Variants in POLE observed in about 807,000 individuals in gnomAD.
POLE encodes DNA polymerase epsilon catalytic subunit A.
Under a neutral mutation model 279.2 loss-of-function variants are expected in POLE, and 188 were observed. That is an observed-to-expected ratio of 0.67 (90% CI 0.60 to 0.76). The LOEUF is 0.76. Ranked by LOEUF, POLE falls within the 30% of genes least tolerant of loss-of-function variation. The pLI is 0.00. For synonymous variants in POLE, 1,214 were observed against 1,172.5 expected (o/e 1.04, Z -0.72); for missense variants, 2,703 against 3,016.7 (o/e 0.90, Z 2.44).
chr12:132,637,098 C>T (rs2042049886), intron 41 of POLE, among the ~76,000 whole-genome samples: 1 of 152,238 alleles, frequency 6.6e-6, no homozygotes, highest in African/African-American at 2.4e-5. Flanking sequence ...GACCACTGAC[C>T]ATCAAGGCTC....
At chr12:132,651,890 G>A (rs1031690049) in intron 29 of POLE, among the ~76,000 whole-genome samples, 2 of 152,242 alleles carry the variant, frequency 1.3e-5, no homozygotes, top group South Asian at 4.1e-4. Flanking sequence ...TTCTCCAGTG[G>A]AGCCCTCGGA....
chr12:132,649,560 G>C (rs377456015), intron 30 of POLE, 45 bp from the exon 31 acceptor site: 2 of 1,600,574 alleles, frequency 1.2e-6, no homozygotes, highest in Non-Finnish European at 8.5e-7. Flanking sequence ...TGGTGAGATG[G>C]GAATGCCCGC....
At chr12:132,680,513 T>C (rs1469237346) in intron 3 of POLE, 94 bp downstream of exon 3, 3 of 967,384 alleles carry the variant, frequency 3.1e-6, no homozygotes, top group East Asian at 2.4e-5. Context: ...TGGGCTGCTG[T>C]GCACTGGAAG....
chr12:132,672,846 G>A lies in POLE; in HGVS notation c.1474-7C>T, dbSNP rs1172867643. ...CAGAGCCCTTCCGCAGCACCTGCAA[G>A]AGAAACCAAGGCTTCCAGCCAAAAG... On this transcript the variant is annotated splice_polypyrimidine_tract_variant and splice_region_variant and intron_variant, in intron 14 of 48. Coordinates refer to ENST00000320574, the MANE Select transcript of POLE (RefSeq NM_006231.4). The A allele has an allele frequency of 3.8e-5, 61 of 1,611,948 alleles. No individual in the cohort carries two copies. The highest frequency in any genetic ancestry group is 4.9e-5 in the Non-Finnish European group (58 of 1,178,898).
Position 132,658,026 on chromosome 12 carries a change from G to C in POLE, c.3276-56C>G, listed in dbSNP as rs143033983. ...TAACAGTGAAAATCACCCAAAATCT[G>C]ATCCTAACTCTTATCAAATGAACAT... On this transcript the variant is annotated intron_variant, in intron 26 of 48. Coordinates refer to ENST00000320574, the MANE Select transcript of POLE (RefSeq NM_006231.4). The C allele has an allele frequency of 9.9e-5, 104 of 1,053,520 alleles. No homozygotes were observed. In the East Asian group the frequency reaches 2.2e-3, roughly 23 times the overall value. The allele number at this position is 1,053,520 out of a possible 1,614,324, so 65.3% of individuals were successfully genotyped here.
At chr12:132,663,343 C>G (rs747358264) in intron 23 of POLE, among the ~76,000 whole-genome samples, 2 of 152,270 alleles carry the variant, frequency 1.3e-5, no homozygotes. Flanking sequence ...CACCCACACT[C>G]CCACACCACC....
At chr12:132,643,357 C>T (rs2042199191) in intron 34 of POLE, 27 bp from the exon 35 acceptor site, 3 of 1,614,194 alleles carry the variant, frequency 1.9e-6, no homozygotes, top group Non-Finnish European at 2.5e-6. Context: ...GACCGTCACC[C>T]CAGATGTGTG....
chr12:132,644,415 A>G (rs955904362), intron 32 of POLE, among the ~76,000 whole-genome samples: 7 of 88,380 alleles, frequency 7.9e-5, no homozygotes, highest in African/African-American at 3.3e-4. Context: ...ATCCTCCCAA[A>G]TCGCTGGAAC....
At chr12:132,631,157 G>T (rs533459472) in intron 45 of POLE, among the ~76,000 whole-genome samples, 1 of 152,172 alleles carries the variant, frequency 6.6e-6, no homozygotes, top group Non-Finnish European at 1.5e-5. Flanking sequence ...GCGCGTGGAT[G>T]AACCAATTCC....
chr12:132,659,434 A>T lies in POLE; in HGVS notation c.3136T>A (p.Tyr1046Asn), dbSNP rs1420996233. ...NRSMSRKLEDYGEQKSTSIST... is the reference protein window; with the variant it reads ...NRSMSRKLEDNGEQKSTSIST... ...ATGGACGTAGACTTCTGCTCCCCGT[A>T]ATCTTCCAGCTTCCGAGACATGGAA... is the stretch of plus-strand genomic sequence containing the variant. The change falls in exon 26 of 49, where the codon TAC becomes AAC. Residue 1046 changes from tyrosine (Y) to asparagine (N), a missense_variant. Physicochemically the swap from Tyr to Asn is moderately radical, Grantham distance 143. Around this residue, in one of 5 missense-constraint regions of POLE, gnomAD observed 1,551 missense variants for 1,686.1 expected, o/e 0.92. Coordinates refer to ENST00000320574, the MANE Select transcript of POLE (RefSeq NM_006231.4). 1.2e-6 allele frequency: 2 copies of T among 1,614,222 alleles called. No individual in the cohort carries two copies. The highest frequency in any genetic ancestry group is 1.3e-5 in the African/African-American group (1 of 75,078).
In POLE at chr12:132,624,524, C is replaced by T. The variant is rs556111930; in HGVS notation, c.*173G>A. On this transcript the variant is annotated 3_prime_UTR_variant, in exon 49 of 49. Coordinates refer to ENST00000320574, the MANE Select transcript of POLE (RefSeq NM_006231.4). ...ATCCTGCTCCCGCTCCCTCCTGTGA[C>T]GTCTGAGCTCCCTGAAAATGGTTTT... is the stretch of plus-strand genomic sequence containing the variant. 1.6e-5 allele frequency: 10 copies of T among 625,020 alleles called. No individual in the cohort carries two copies. The highest frequency in any genetic ancestry group is 5.0e-5 in the Admixed American group (2 of 39,780). The allele number at this position is 625,020 out of a possible 1,614,324, so 38.7% of individuals were successfully genotyped here.
Position 132,634,402 on chromosome 12 carries a change from C to T in POLE, c.5812-24G>A, listed in dbSNP as rs761810142. 3.7e-6 allele frequency: 6 copies of T among 1,603,034 alleles called. No homozygotes were observed. Among genetic ancestry groups the T allele is most frequent in the Non-Finnish European group, 5.1e-6 (6 of 1,172,258 alleles). On this transcript the variant is annotated intron_variant, in intron 42 of 48. Coordinates refer to ENST00000320574, the MANE Select transcript of POLE (RefSeq NM_006231.4). This position sits in a 1 kb window ranked among gnomAD's most constrained non-coding sequence, Gnocchi z 4.0. ...TGCTGTAACACATGAGACAACGCGGCTGTGTTTGCACCATCGCGGCCTGGT... is the reference window on the plus strand; with the variant it reads ...TGCTGTAACACATGAGACAACGCGGTTGTGTTTGCACCATCGCGGCCTGGT...
intron 31 of POLE, 22 bp from the exon 32 acceptor site, chr12:132,649,094 C>G (rs749677953): frequency 6.2e-7 from 1 of 1,606,168 alleles, no homozygotes; most frequent in Non-Finnish European, 8.5e-7. Flanking sequence ...CACGGACATA[C>G]AGCACATCAC....
Position 132,681,744 on chromosome 12 carries a change from C to G in POLE, c.63-465G>C, listed in dbSNP as rs565591215. On this transcript the variant is annotated intron_variant, in intron 1 of 48. Coordinates refer to ENST00000320574, the MANE Select transcript of POLE (RefSeq NM_006231.4). Reference sequence around the variant, plus strand: ...ACAATTAGGGCAGGCCCTTCAAAACCTGTTCAACTTTATAACCAGAATACT... The same window carrying G: ...ACAATTAGGGCAGGCCCTTCAAAACGTGTTCAACTTTATAACCAGAATACT... Among the ~76,000 whole-genome samples the G allele has an allele frequency of 3.9e-4, 60 of 152,316 alleles. 3 individuals are homozygous for G. The South Asian group carries it at 0.011, about 29-fold the overall frequency.
At chr12:132,674,540 G>A (rs1254967399) in intron 12 of POLE, among the ~76,000 whole-genome samples, 6 of 152,152 alleles carry the variant, frequency 3.9e-5, no homozygotes, top group African/African-American at 9.6e-5. Flanking sequence ...CTGTCTCCAC[G>A]GATGGCACAA....
In POLE at chr12:132,668,066, G is replaced by A. The variant is rs930410303; in HGVS notation, c.2173+290C>T. 2.8e-4 allele frequency among the ~76,000 whole-genome samples: 40 copies of A among 143,368 alleles called. No homozygotes were observed. Among genetic ancestry groups the A allele is most frequent in the Middle Eastern group, 3.4e-3 (1 of 290 alleles). The allele number at this position is 143,368 out of a possible 152,430, so 94.1% of individuals were successfully genotyped here. ...CCACTGCATTCCAGCCTGGGTGACA[G>A]AGTGAGACCTCATTTCAAAAAAAAA... On this transcript the variant is annotated intron_variant, in intron 19 of 48. Coordinates refer to ENST00000320574, the MANE Select transcript of POLE (RefSeq NM_006231.4). This position sits in a 1 kb window ranked among gnomAD's most constrained non-coding sequence, Gnocchi z 4.0.
At chr12:132,686,456 C>G (rs112272707) in intron 1 of POLE, among the ~76,000 whole-genome samples, 1 of 151,946 alleles carries the variant, frequency 6.6e-6, no homozygotes, top group Non-Finnish European at 1.5e-5. Context: ...AGAGAAGGGC[C>G]GGGCGCGGAG....
chr12:132,641,760 C>T lies in POLE; in HGVS notation c.5265G>A (p.Gly1755=), dbSNP rs201967886. 7.4e-6 allele frequency: 12 copies of T among 1,611,130 alleles called. No homozygotes were observed. Among genetic ancestry groups the T allele is most frequent in the Non-Finnish European group, 1.0e-5 (12 of 1,179,968 alleles). ...CCTGCTGGATCACGTCGAAGCTGAT[C>T]CCCATGCTGTCGGCCCCCTCCATGT... is the stretch of plus-strand genomic sequence containing the variant. ...VNDMEGADSM[G]ISFDVIQQAS... The change falls in exon 39 of 49, where the codon GGG becomes GGA. Residue 1755 remains glycine (G), a synonymous_variant. Coordinates refer to ENST00000320574, the MANE Select transcript of POLE (RefSeq NM_006231.4).
chr12:132,625,658 G>GTGAA lies in POLE; in HGVS notation c.6640_6643dup (p.Thr2215IlefsTer90). The GTGAA allele has an allele frequency of 6.2e-7, 1 of 1,613,674 alleles. No individual in the cohort carries two copies. The highest frequency in any genetic ancestry group is 8.5e-7 in the Non-Finnish European group (1 of 1,180,024). ...TGCACGACTCACCAGGTCCTGCAGG[G>GTGAA]TGAAGGCCATCAGCTTCTTCTGTAG... is the stretch of plus-strand genomic sequence containing the variant. On this transcript the variant is annotated frameshift_variant, in exon 47 of 49. Coordinates refer to ENST00000320574, the MANE Select transcript of POLE (RefSeq NM_006231.4). LOFTEE classifies it high-confidence loss of function.
Sources: allele counts gnomAD v4.1 joint callset (sites outside exome capture counted in the v4.1 genomes callset), GRCh38; gene constraint gnomAD v4.1.1; regional missense constraint gnomAD v4.1.1; non-coding constraint Gnocchi (gnomAD v3.1); transcripts MANE v1.5; gene names NCBI Gene and HGNC (gene_info 2026-07-23, HGNC 2026-07-21).